The following AVEN variants were observed in gnomAD, a reference collection of about 807,000 sequenced individuals.
The protein encoded by AVEN is apoptosis and caspase activation inhibitor.
A neutral mutation model predicts 38.1 loss-of-function variants in AVEN; 41 were observed. The ratio of observed to expected loss-of-function variants is 1.08; its 90% CI spans 0.84 to 1.40. The LOEUF is 1.40. Ranked by LOEUF, AVEN falls within the 40% of genes most tolerant of loss-of-function variation. The pLI is 0.00. For missense variants in AVEN, 605 were observed against 438.8 expected, an observed-to-expected ratio of 1.38 and a Z score of -3.38; for synonymous variants, 206 against 171.8, an observed-to-expected ratio of 1.20 and a Z score of -1.56.
Position 33,887,564 on chromosome 15 carries a change from T to C in AVEN, c.446-11569A>G, listed in dbSNP as rs145518897. Among the ~76,000 whole-genome samples, 272 of 152,298 alleles carry C rather than the reference T, an allele frequency of 1.8e-3. 1 individual carries two copies. The highest frequency in any genetic ancestry group is 6.0e-3 in the African/African-American group (251 of 41,574). On this transcript the variant is annotated intron_variant, in intron 2 of 5. Coordinates refer to ENST00000306730, the MANE Select transcript of AVEN (RefSeq NM_020371.3). ...TTTTTCATACATTTTAGCACAACTA[T>C]GTGCCAAACACTATTGTATGTTAAT... is the stretch of plus-strand genomic sequence containing the variant.
chr15:33,946,685 G>GT (rs1172025851), intron 2 of AVEN, among the ~76,000 whole-genome samples: 1 of 152,196 alleles, frequency 6.6e-6, no homozygotes, highest in Admixed American at 6.5e-5. Flanking sequence ...GGAGAAGTGA[G>GT]TGATGCACAG....
intron 1 of AVEN, chr15:34,007,177 T>C: frequency 2.5e-6 from 1 of 400,156 alleles, no homozygotes; most frequent in Non-Finnish European, 3.4e-6. Context: ...CACACACAAA[T>C]CCATTTAAAA....
intron 2 of AVEN, among the ~76,000 whole-genome samples, chr15:33,964,281 G>A (rs1895306241): frequency 6.6e-6 from 1 of 152,142 alleles, no homozygotes; most frequent in African/African-American, 2.4e-5. Flanking sequence ...GTGGTCTGGA[G>A]ACCTCTAGTG....
chr15:34,044,045 T>G (rs1404052203), upstream of AVEN, among the ~76,000 whole-genome samples: 2 of 151,042 alleles, frequency 1.3e-5, no homozygotes, highest in Admixed American at 1.3e-4. Flanking sequence ...TTCTAATGAA[T>G]CATTCACATT....
rs147818818 is a variant in AVEN, at chr15:33,868,249, C to T, written c.613-394G>A. Among the ~76,000 whole-genome samples the T allele has an allele frequency of 1.8e-3, 281 of 152,208 alleles. 1 individual carries two copies. Among genetic ancestry groups the T allele is most frequent in the African/African-American group, 6.4e-3 (264 of 41,526 alleles). On this transcript the variant is annotated intron_variant, in intron 4 of 5. Transcript: ENST00000306730. Reference sequence around the variant, plus strand: ...AAAAAGTCACCAAGAAGTGGCCAGGCGCAGTGGCTCATGCCTGTAATCCCA... The same window carrying T: ...AAAAAGTCACCAAGAAGTGGCCAGGTGCAGTGGCTCATGCCTGTAATCCCA...
At chr15:33,865,054 ACAAAG>A, downstream of AVEN, 1 of 1,125,722 alleles carries the variant, frequency 8.9e-7, no homozygotes. Context: ...AAAGGGAGCC[ACAAAG>A]AACAAAAACA....
At position 33,937,566 on chromosome 15, in the gene AVEN, T is replaced by C. The variant is rs539449030; in HGVS notation, c.446-61571A>G. ...AAAATAAATCCTTCTACGGACTAAA[T>C]GGTATCCCCCCAAAATTTATATGTT... On this transcript the variant is annotated intron_variant, in intron 2 of 5. Transcript: ENST00000306730. 3.3e-5 allele frequency among the ~76,000 whole-genome samples: 5 copies of C among 151,930 alleles called. No homozygotes were observed. In the East Asian group the frequency reaches 7.7e-4, roughly 24 times the overall value.
chr15:33,853,780 G>A, the AVEN span: 2 of 1,482,972 alleles, frequency 1.3e-6, no homozygotes, highest in Non-Finnish European at 1.8e-6. Flanking sequence ...TGTTCTCTCA[G>A]GCTGTGGTCT....
chr15:34,066,332 C>A (rs554093086), intron 3 of AVEN: 2 of 152,228 alleles, frequency 1.3e-5, no homozygotes. Flanking sequence ...ATGAAAACCC[C>A]TTCATGAGAA....
chr15:33,853,469 G>A, the AVEN span: 1 of 1,500,162 alleles, frequency 6.7e-7, no homozygotes, highest in Non-Finnish European at 9.0e-7. Context: ...TTGCCCATAG[G>A]GCAGCAAAGC....
intron 2 of AVEN, among the ~76,000 whole-genome samples, chr15:33,981,292 T>C (rs1242443747): frequency 2.0e-5 from 3 of 152,322 alleles, no homozygotes; most frequent in East Asian, 1.9e-4. Flanking sequence ...CTTGAGTTAT[T>C]AGCAGTCAAG....
intron 2 of AVEN, among the ~76,000 whole-genome samples, chr15:33,987,931 C>T (rs924377603): frequency 1.3e-5 from 2 of 152,156 alleles, no homozygotes; most frequent in East Asian, 3.8e-4. Context: ...CCACACAGAC[C>T]CACATTCTCT....
intron 2 of AVEN, among the ~76,000 whole-genome samples, chr15:33,919,339 A>G (rs1022505176): frequency 5.3e-5 from 8 of 152,240 alleles, no homozygotes; most frequent in African/African-American, 1.9e-4. Context: ...GATAACAGTG[A>G]TGTTATACAG....
At chr15:33,867,318 T>C (rs568981138) in intron 5 of AVEN, among the ~76,000 whole-genome samples, 177 bp downstream of exon 5, 13 of 151,928 alleles carry the variant, frequency 8.6e-5, no homozygotes, top group Non-Finnish European at 1.9e-4. Flanking sequence ...AGAGGAAGGT[T>C]GTCAGAAAGG....
intron 1 of AVEN, among the ~76,000 whole-genome samples, chr15:34,019,322 G>T (rs1898104521): frequency 6.6e-6 from 1 of 152,058 alleles, no homozygotes; most frequent in Non-Finnish European, 1.5e-5. Flanking sequence ...GATATATTTT[G>T]GTACAGCTGT....
the AVEN span, chr15:33,853,506 T>C: frequency 1.3e-6 from 2 of 1,594,148 alleles, no homozygotes; most frequent in East Asian, 2.2e-5. Context: ...CTAGAAAATA[T>C]TTGGTGGTGG....
chr15:33,996,066 C>T (rs1398358689), intron 2 of AVEN, among the ~76,000 whole-genome samples: 1 of 152,250 alleles, frequency 6.6e-6, no homozygotes, highest in Non-Finnish European at 1.5e-5. Flanking sequence ...CCCACACAGC[C>T]TTGCTCACTG....
chr15:33,966,103 C>T (rs1388407840), intron 2 of AVEN, among the ~76,000 whole-genome samples: 2 of 152,048 alleles, frequency 1.3e-5, no homozygotes, highest in African/African-American at 2.4e-5. Context: ...AATATTTGCA[C>T]CCAAAATACA....
downstream of AVEN, chr15:33,857,697 C>G: frequency 1.3e-6 from 2 of 1,551,824 alleles, no homozygotes; most frequent in Non-Finnish European, 1.8e-6. Context: ...ACTCTTCCTC[C>G]TCGTTTTCTT....
Sources: allele counts gnomAD v4.1 joint callset (sites outside exome capture counted in the v4.1 genomes callset), GRCh38; gene constraint gnomAD v4.1.1; transcripts MANE v1.5; gene names NCBI Gene and HGNC (gene_info 2026-07-23, HGNC 2026-07-21).